The following STK32B variants were observed in gnomAD, a reference collection of about 807,000 sequenced individuals.
The protein encoded by STK32B is serine/threonine kinase 32B, also known as serine/threonine-protein kinase 32B.
In STK32B, 43 loss-of-function variants were observed where a neutral mutation model predicts 52.6. The ratio of observed to expected loss-of-function variants is 0.82; its 90% CI spans 0.64 to 1.05. The LOEUF (loss-of-function observed/expected upper bound fraction) is 1.05, where lower values mean the gene tolerates loss of function less well. Among genes scored for constraint, STK32B ranks in the 50% least tolerant of loss-of-function variants. STK32B has a pLI of 0.00. For missense variants in STK32B, 621 were observed against 534.6 expected (o/e 1.16, Z -1.59); for synonymous variants, 238 against 204.3 (o/e 1.17, Z -1.41).
chr4:5,381,323 G>C (rs1341595326), intron 4 of STK32B, among the ~76,000 whole-genome samples: 1 of 152,218 alleles, frequency 6.6e-6, no homozygotes, highest in Non-Finnish European at 1.5e-5. Flanking sequence ...TAAGTCTCCA[G>C]GTCAGATTGT....
At chr4:5,311,943 A>G (rs775058409) in intron 3 of STK32B, among the ~76,000 whole-genome samples, 1 of 148,848 alleles carries the variant, frequency 6.7e-6, no homozygotes, top group East Asian at 1.9e-4. Flanking sequence ...TCTTATTTTT[A>G]TGAAAGTAGT....
At chr4:5,185,711 T>C (rs1165168920) in intron 3 of STK32B, among the ~76,000 whole-genome samples, 1 of 152,198 alleles carries the variant, frequency 6.6e-6, no homozygotes, top group Non-Finnish European at 1.5e-5. Flanking sequence ...GCCCAGCCAG[T>C]TACCCATCAC....
chr4:5,125,813 C>T (rs1166412600), intron 1 of STK32B, among the ~76,000 whole-genome samples: 1 of 152,220 alleles, frequency 6.6e-6, no homozygotes, highest in Admixed American at 6.5e-5. Context: ...AGTGACTTCA[C>T]TGCATTTGTA....
At chr4:5,155,983 C>T (rs949488427) in intron 2 of STK32B, among the ~76,000 whole-genome samples, 1 of 151,974 alleles carries the variant, frequency 6.6e-6, no homozygotes, top group Non-Finnish European at 1.5e-5. Context: ...ATATATACCT[C>T]TCTACATAAT....
At chr4:5,338,785 A>G (rs1732879440) in intron 4 of STK32B, among the ~76,000 whole-genome samples, 1 of 152,180 alleles carries the variant, frequency 6.6e-6, no homozygotes, top group Admixed American at 6.5e-5. Flanking sequence ...TACCCTGGGG[A>G]AAAGGAGATA....
At position 5,498,988 on chromosome 4, in the gene STK32B, G is replaced by C; in HGVS notation, c.1150G>C (p.Asp384His). Residue 384 changes from aspartate (D) to histidine (H), a missense_variant, in exon 12 of 12, where the codon GAC becomes CAC. Transcript: ENST00000282908. ...QGQGSQLLDT[D>H]SRGGGQAQSK... The stretch of plus-strand genomic sequence containing the variant: ...ACAGGGCAGCCAGCTCTTGGACACC[G>C]ACAGCCGAGGGGGAGGCCAGGCCCA... 1 of 1,613,824 alleles carries C rather than the reference G, an allele frequency of 6.2e-7. No homozygotes were observed. Among genetic ancestry groups the C allele is most frequent in the Non-Finnish European group, 8.5e-7 (1 of 1,179,826 alleles).
intron 11 of STK32B, among the ~76,000 whole-genome samples, chr4:5,497,717 CACACACTCAT>C (rs886672540): frequency 6.6e-5 from 10 of 152,144 alleles, no homozygotes; most frequent in Non-Finnish European, 1.3e-4. Flanking sequence ...TGCGCACACA[CACACACTCAT>C]ACACACAACT....
chr4:5,142,631 ACT>A (rs981443736), intron 2 of STK32B, among the ~76,000 whole-genome samples: 2 of 152,202 alleles, frequency 1.3e-5, no homozygotes, highest in African/African-American at 4.8e-5. Flanking sequence ...TCCATTAGAC[ACT>A]GTTTTCCTGA....
chr4:5,139,828 A>G, intron 1 of STK32B, 77 bp from the exon 2 acceptor site: 2 of 1,548,102 alleles, frequency 1.3e-6, no homozygotes, highest in South Asian at 1.1e-5. Flanking sequence ...GTGGGTAGGT[A>G]CATAGGTAAG....
chr4:5,256,251 G>C (rs1346995252), intron 3 of STK32B, among the ~76,000 whole-genome samples: 1 of 152,170 alleles, frequency 6.6e-6, no homozygotes, highest in Non-Finnish European at 1.5e-5. Flanking sequence ...CACAAGCTTA[G>C]TGTCTTTTAA....
At chr4:5,305,933 T>A (rs1246473323) in intron 3 of STK32B, among the ~76,000 whole-genome samples, 1 of 152,162 alleles carries the variant, frequency 6.6e-6, no homozygotes, top group African/African-American at 2.4e-5. Context: ...AATAATTTTT[T>A]AAATTCCCAT....
At chr4:5,374,391 C>T (rs112177087) in intron 4 of STK32B, among the ~76,000 whole-genome samples, 1,562 of 152,324 alleles carry the variant, frequency 0.01, 28 homozygotes, top group African/African-American at 0.035. Context: ...AGACGCTTCA[C>T]ATCAGTCCCT....
intron 2 of STK32B, among the ~76,000 whole-genome samples, chr4:5,162,777 C>T (rs1018383657): frequency 2.0e-5 from 3 of 152,168 alleles, no homozygotes; most frequent in African/African-American, 4.8e-5. Flanking sequence ...CAAACTTAGG[C>T]GAGGTGCCAC....
At chr4:5,410,486 C>T (rs934831742) in intron 5 of STK32B, among the ~76,000 whole-genome samples, 3 of 152,142 alleles carry the variant, frequency 2.0e-5, no homozygotes, top group African/African-American at 4.8e-5. Context: ...AATATTTGCA[C>T]CCACTCCCAG....
chr4:5,270,674 T>C (rs192373908), intron 3 of STK32B, among the ~76,000 whole-genome samples: 87 of 152,240 alleles, frequency 5.7e-4, no homozygotes, highest in African/African-American at 1.9e-3. Context: ...CTACTTTCAG[T>C]AAACATTGTA....
intron 3 of STK32B, among the ~76,000 whole-genome samples, chr4:5,205,501 C>G (rs1722493311): frequency 6.6e-6 from 1 of 152,178 alleles, no homozygotes; most frequent in African/African-American, 2.4e-5. Flanking sequence ...CCAGTTTTCA[C>G]TGACAGCGCT....
chr4:5,190,941 C>T (rs899755554), intron 3 of STK32B, among the ~76,000 whole-genome samples: 2 of 152,296 alleles, frequency 1.3e-5, no homozygotes, highest in East Asian at 1.9e-4. Flanking sequence ...GCCTTTGTGA[C>T]TCCAGAGCCT....
intron 3 of STK32B, among the ~76,000 whole-genome samples, chr4:5,286,160 G>C (rs1185939196): frequency 6.6e-6 from 1 of 152,152 alleles, no homozygotes; most frequent in Non-Finnish European, 1.5e-5. Context: ...AAGCCACCTG[G>C]CTGTGGTACT....
chr4:5,129,621 T>C (rs1715626957), intron 1 of STK32B, among the ~76,000 whole-genome samples: 1 of 152,226 alleles, frequency 6.6e-6, no homozygotes. Context: ...ATTATAATTA[T>C]GTTAAATGTG....
Sources: allele counts gnomAD v4.1 joint callset (sites outside exome capture counted in the v4.1 genomes callset), GRCh38; gene constraint gnomAD v4.1.1; transcripts MANE v1.5; gene names NCBI Gene and HGNC (gene_info 2026-07-23, HGNC 2026-07-21).